The following RALGAPA2 variants were observed in gnomAD, a reference collection of about 807,000 sequenced individuals.
The protein encoded by RALGAPA2 is Ral GTPase activating protein catalytic subunit alpha 2, also known as ral GTPase-activating protein subunit alpha-2.
RALGAPA2 carries 139 observed loss-of-function variants against 230.4 expected under a neutral mutation model. The observed-to-expected ratio is 0.60, with a 90% CI of 0.53 to 0.69. The LOEUF (loss-of-function observed/expected upper bound fraction) is 0.69. Among genes scored for constraint, RALGAPA2 ranks in the 30% least tolerant of loss-of-function variants. The probability of loss-of-function intolerance (pLI) is 0.00; values close to 1 mark genes in which losing one functional copy is unlikely to be tolerated. For synonymous variants in RALGAPA2, 847 were observed against 837.8 expected (o/e 1.01, Z -0.19); for missense variants, 2,163 against 2,276.0 (o/e 0.95, Z 1.01).
intron 38 of RALGAPA2, among the ~76,000 whole-genome samples, chr20:20,405,014 C>T (rs1167854897): frequency 6.6e-6 from 1 of 152,254 alleles, no homozygotes; most frequent in Non-Finnish European, 1.5e-5. Flanking sequence ...CTCTGCTCTT[C>T]TCACATTTAC....
At chr20:20,466,961 T>C (rs921504433) in intron 37 of RALGAPA2, among the ~76,000 whole-genome samples, 4 of 152,212 alleles carry the variant, frequency 2.6e-5, no homozygotes, top group African/African-American at 9.6e-5. Flanking sequence ...TCAAATTAGT[T>C]AACCCTCTCA....
chr20:20,676,182 A>C, intron 3 of RALGAPA2, 54 bp downstream of exon 3: 1 of 1,210,012 alleles, frequency 8.3e-7, no homozygotes. Context: ...AAGATCAAAA[A>C]TACTTTATTT....
chr20:20,458,828 ATATATATAGACC>A (rs1251815659), intron 37 of RALGAPA2, among the ~76,000 whole-genome samples: 1 of 143,342 alleles, frequency 7.0e-6, no homozygotes, highest in African/African-American at 2.6e-5. Context: ...AGACCTATAT[ATATATATAGACC>A]TATATATATA....
Position 20,649,688 on chromosome 20 carries a change from C to T in RALGAPA2, c.328+3842G>A, listed in dbSNP as rs567109808. Reference sequence around the variant, plus strand: ...CTACCTGACAAATAATTATTGAGTTCGGGCACAGCACTGTACACTGAATGA... The same window carrying T: ...CTACCTGACAAATAATTATTGAGTTTGGGCACAGCACTGTACACTGAATGA... On this transcript the variant is annotated intron_variant, in intron 4 of 39. Transcript: ENST00000202677. Among the ~76,000 whole-genome samples the T allele has an allele frequency of 3.9e-5, 6 of 152,200 alleles. No individual in the cohort carries two copies. In the South Asian group the frequency reaches 1.0e-3, roughly 26 times the overall value.
At chr20:20,465,983 C>T (rs774568707) in intron 37 of RALGAPA2, among the ~76,000 whole-genome samples, 14 of 152,232 alleles carry the variant, frequency 9.2e-5, no homozygotes, top group Admixed American at 6.5e-4. Flanking sequence ...TTGCAGGTAA[C>T]GTTTGCTGGG....
At chr20:20,691,370 C>G (rs1450253962) in intron 1 of RALGAPA2, among the ~76,000 whole-genome samples, 1 of 152,118 alleles carries the variant, frequency 6.6e-6, no homozygotes, top group East Asian at 1.9e-4. Context: ...CTAACGTATT[C>G]ACACAATAAA....
intron 17 of RALGAPA2, among the ~76,000 whole-genome samples, chr20:20,590,424 C>G (rs1037195118): frequency 6.6e-6 from 1 of 152,124 alleles, no homozygotes; most frequent in Admixed American, 6.5e-5. Context: ...GAATAATTCC[C>G]TACTCATCTG....
At chr20:20,543,785 C>T (rs979295058) in intron 24 of RALGAPA2, among the ~76,000 whole-genome samples, 14 of 151,734 alleles carry the variant, frequency 9.2e-5, no homozygotes, top group Non-Finnish European at 1.6e-4. Flanking sequence ...ATGTAAATGA[C>T]GAGTTAATGG....
At chr20:20,489,318 G>A (rs754912889) in intron 36 of RALGAPA2, among the ~76,000 whole-genome samples, 6 of 152,150 alleles carry the variant, frequency 3.9e-5, no homozygotes, top group African/African-American at 4.8e-5. Flanking sequence ...AAACACAGGC[G>A]TTTCAGTTCC....
intron 38 of RALGAPA2, among the ~76,000 whole-genome samples, chr20:20,409,109 C>G (rs995762570): frequency 1.3e-5 from 2 of 152,190 alleles, no homozygotes; most frequent in African/African-American, 4.8e-5. Context: ...CCTGGCCAAC[C>G]CACCCCCGCA....
intron 25 of RALGAPA2, 67 bp from the exon 26 acceptor site, chr20:20,535,870 A>G (rs2063484208): frequency 2.7e-6 from 4 of 1,501,134 alleles, no homozygotes; most frequent in Non-Finnish European, 3.6e-6. Flanking sequence ...TGTTCTGACC[A>G]TGTTCCAGGC....
At chr20:20,423,763 AACAGGTAAAGAGGATGACTTT>A (rs1244269695) in intron 37 of RALGAPA2, among the ~76,000 whole-genome samples, 1 of 152,252 alleles carries the variant, frequency 6.6e-6, no homozygotes, top group African/African-American at 2.4e-5. Context: ...ACAGCCTGGT[AACAGGTAAAGAGGATGACTTT>A]ACTCAACAAT....
chr20:20,566,914 AGAGGCCT>A (rs1171326229), intron 23 of RALGAPA2, among the ~76,000 whole-genome samples: 11 of 152,216 alleles, frequency 7.2e-5, no homozygotes, highest in Non-Finnish European at 1.3e-4. Context: ...TGCATTGGAG[AGAGGCCT>A]CATGCTTTTT....
chr20:20,677,929 A>C (rs2146809355), intron 2 of RALGAPA2, among the ~76,000 whole-genome samples: 1 of 152,116 alleles, frequency 6.6e-6, no homozygotes, highest in East Asian at 1.9e-4. Context: ...TACAGGTGTG[A>C]GCCACCGCGC....
intron 37 of RALGAPA2, among the ~76,000 whole-genome samples, chr20:20,448,507 A>G (rs186686269): frequency 1.4e-3 from 209 of 152,354 alleles, no homozygotes; most frequent in African/African-American, 5.0e-3. Flanking sequence ...AGAATTTTAG[A>G]ACACACTAAT....
At chr20:20,435,900 T>C (rs1229202765) in intron 37 of RALGAPA2, among the ~76,000 whole-genome samples, 1 of 152,198 alleles carries the variant, frequency 6.6e-6, no homozygotes, top group African/African-American at 2.4e-5. Flanking sequence ...GTGAGCAGGA[T>C]TAGTAAAAAT....
intron 37 of RALGAPA2, among the ~76,000 whole-genome samples, chr20:20,458,734 A>G (rs2061203144): frequency 7.8e-6 from 1 of 128,354 alleles, no homozygotes; most frequent in Non-Finnish European, 1.6e-5. Flanking sequence ...ATATACACAC[A>G]CCTATATATA....
At chr20:20,488,150 T>C (rs2061961445) in intron 36 of RALGAPA2, among the ~76,000 whole-genome samples, 1 of 152,180 alleles carries the variant, frequency 6.6e-6, no homozygotes, top group South Asian at 2.1e-4. Context: ...TCCATCTGTG[T>C]TTGGTTGAAA....
At chr20:20,698,221 T>C (rs916665583) in intron 1 of RALGAPA2, among the ~76,000 whole-genome samples, 2 of 152,016 alleles carry the variant, frequency 1.3e-5, no homozygotes, top group South Asian at 2.1e-4. Context: ...AGGTAGCAGT[T>C]GCAAAATGCT....
Sources: allele counts gnomAD v4.1 joint callset (sites outside exome capture counted in the v4.1 genomes callset), GRCh38; gene constraint gnomAD v4.1.1; transcripts MANE v1.5; gene names NCBI Gene and HGNC (gene_info 2026-07-23, HGNC 2026-07-21).